Variants in MBOAT4 observed in about 807,000 individuals in gnomAD.
The protein encoded by MBOAT4 is membrane-bound ghrelin O-acyltransferase MBOAT4.
Under a neutral mutation model 13.2 loss-of-function variants are expected in MBOAT4, and 11 were observed. The observed-to-expected ratio is 0.84, with a 90% CI of 0.53 to 1.38. MBOAT4 has a LOEUF of 1.38. MBOAT4 is among the 40% of genes most tolerant of loss of function. MBOAT4 has a pLI of 0.00. For synonymous variants in MBOAT4, 202 were observed against 210.3 expected (o/e 0.96, Z 0.34); for missense variants, 481 against 527.2 (o/e 0.91, Z 0.86).
At chr8:30,136,582 C>T (rs1257197349) in intron 2 of MBOAT4, among the ~76,000 whole-genome samples, 1 of 152,188 alleles carries the variant, frequency 6.6e-6, no homozygotes, top group East Asian at 1.9e-4. Flanking sequence ...ACTTGCTCTC[C>T]CAGCCCCATC....
chr8:30,138,797 G>A (rs7823643), intron 1 of MBOAT4, 41 bp from the exon 2 acceptor site: 2 of 1,468,366 alleles, frequency 1.4e-6, no homozygotes, highest in Non-Finnish European at 1.9e-6. Context: ...GACTTAGAAC[G>A]GCACAGCAAA....
At chr8:30,139,163 G>A (rs931478141) in intron 1 of MBOAT4, among the ~76,000 whole-genome samples, 5 of 149,022 alleles carry the variant, frequency 3.4e-5, no homozygotes, top group Non-Finnish European at 7.5e-5. Flanking sequence ...TTGGTGTGTC[G>A]CCCAGTCTCA....
chr8:30,132,671 T>C lies in MBOAT4; in HGVS notation c.580A>G (p.Ser194Gly), dbSNP rs1803050538. The change falls in exon 3 of 3, where the codon AGT becomes GGT. Residue 194 changes from serine to glycine, a missense_variant. Physicochemically the swap from Ser to Gly is moderately conservative, Grantham distance 56. Coordinates refer to ENST00000320542, the MANE Select transcript of MBOAT4 (RefSeq NM_001100916.2). The stretch of plus-strand genomic sequence containing the variant: ...AAAGAGTGTCTGGGATGCAAAGCAC[T>C]GGACCCTTGAACACGAGCCTGAAAT... ...QRFQARVQGSSALHPRHSFWA... is the reference protein window; with the variant it reads ...QRFQARVQGSGALHPRHSFWA... 1.9e-6 allele frequency: 3 copies of C among 1,551,712 alleles called. No homozygotes were observed. Among genetic ancestry groups the C allele is most frequent in the East Asian group, 4.9e-5 (2 of 40,918 alleles).
intron 2 of MBOAT4, chr8:30,137,405 C>G: frequency 6.4e-7 from 1 of 1,551,694 alleles, no homozygotes. Context: ...TCCACTCAAC[C>G]CGTGCTGAGG....
intron 1 of MBOAT4, among the ~76,000 whole-genome samples, chr8:30,141,718 G>A (rs1472199830): frequency 2.0e-5 from 3 of 152,172 alleles, no homozygotes; most frequent in African/African-American, 7.2e-5. Context: ...TGACTCGCTG[G>A]GAAAGCGACT....
intron 1 of MBOAT4, among the ~76,000 whole-genome samples, chr8:30,140,066 C>A (rs1803236177): frequency 6.6e-6 from 1 of 152,108 alleles, no homozygotes; most frequent in South Asian, 2.1e-4. Flanking sequence ...TAGACAGAGT[C>A]TCGCTCTGTT....
chr8:30,132,960 T>A, intron 2 of MBOAT4, 54 bp from the exon 3 acceptor site: 1 of 1,456,204 alleles, frequency 6.9e-7, no homozygotes, highest in South Asian at 1.5e-5. Flanking sequence ...ATTCTCTCTC[T>A]CTTATTCCAG....
In MBOAT4 at chr8:30,138,521, A is replaced by G; in HGVS notation, c.344+11T>C. 6.5e-7 allele frequency: 1 copy of G among 1,538,832 alleles called. No homozygotes were observed. Among genetic ancestry groups the G allele is most frequent in the Non-Finnish European group, 8.8e-7 (1 of 1,136,534 alleles). ...GGTGGGCTGAGCATGACCAACGAAC[A>G]GGCTGCTTACCTCACAGAAGGAGGC... On this transcript the variant is annotated intron_variant, in intron 2 of 2. Transcript: ENST00000320542.
chr8:30,144,027 A>T (rs1045669554), intron 1 of MBOAT4, among the ~76,000 whole-genome samples: 1 of 152,354 alleles, frequency 6.6e-6, no homozygotes, highest in East Asian at 1.9e-4. Flanking sequence ...TTCATTATCA[A>T]ATATCAATAA....
chr8:30,144,119 C>T (rs898283667), intron 1 of MBOAT4, among the ~76,000 whole-genome samples: 14 of 150,136 alleles, frequency 9.3e-5, no homozygotes, highest in African/African-American at 3.2e-4. Flanking sequence ...CTGCTTTTTG[C>T]CCTACTATAG....
At chr8:30,142,317 A>T (rs1356846082) in intron 1 of MBOAT4, among the ~76,000 whole-genome samples, 1 of 152,216 alleles carries the variant, frequency 6.6e-6, no homozygotes, top group African/African-American at 2.4e-5. Flanking sequence ...TGAGGGAGTC[A>T]AGACTCAACA....
chr8:30,138,977 CTTT>C (rs34238139), intron 1 of MBOAT4, among the ~76,000 whole-genome samples: 7 of 141,648 alleles, frequency 4.9e-5, no homozygotes, highest in African/African-American at 5.2e-5. Flanking sequence ...GGAGACAAAT[CTTT>C]TTTTTTTTTT....
At position 30,132,676 on chromosome 8, in the gene MBOAT4, C is replaced by A. The variant is rs927697384; in HGVS notation, c.575G>T (p.Gly192Val). ...SFQRFQARVQ[G>V]SSALHPRHSF... ...GTGTCTGGGATGCAAAGCACTGGAC[C>A]CTTGAACACGAGCCTGAAATCGCTG... Residue 192 changes from glycine to valine, a missense_variant, in exon 3 of 3, where the codon GGG becomes GTG. Physicochemically the swap from Gly to Val is moderately radical, Grantham distance 109 (BLOSUM62 -3). Coordinates refer to ENST00000320542, the MANE Select transcript of MBOAT4 (RefSeq NM_001100916.2). 4.5e-6 allele frequency: 7 copies of A among 1,551,584 alleles called. No homozygotes were observed. Among genetic ancestry groups the A allele is most frequent in the Non-Finnish European group, 6.1e-6 (7 of 1,146,998 alleles).
chr8:30,143,429 G>A (rs1803297932), intron 1 of MBOAT4, among the ~76,000 whole-genome samples: 1 of 150,896 alleles, frequency 6.6e-6, no homozygotes, highest in African/African-American at 2.5e-5. Flanking sequence ...AAATGTATTT[G>A]CGACTTTTCA....
Position 30,144,592 on chromosome 8 carries a change from GC to G in MBOAT4, c.9del (p.Trp3CysfsTer43). The G allele has an allele frequency of 6.5e-7, 1 of 1,549,302 alleles. No individual in the cohort carries two copies. The highest frequency in any genetic ancestry group is 2.4e-5 in the East Asian group (1 of 40,888). On this transcript the variant is annotated frameshift_variant, in exon 1 of 3. Coordinates refer to ENST00000320542, the MANE Select transcript of MBOAT4 (RefSeq NM_001100916.2). LOFTEE classifies it high-confidence loss of function. ...ATAGGATGGAGAAAGAACAGCCAAA[GC>G]CACTCCATTAGGAACCAGAACAAAA... Reference protein sequence around the residue: MEWLWLFFLHPIS... With the variant: MEXLWLFFLHPIS...
chr8:30,137,485 C>T, intron 2 of MBOAT4: 1 of 1,551,576 alleles, frequency 6.4e-7, no homozygotes, highest in Non-Finnish European at 8.7e-7. Flanking sequence ...GCTTTGCCCT[C>T]CCTCTCAGGC....
chr8:30,134,446 C>A (rs867622722), intron 2 of MBOAT4, among the ~76,000 whole-genome samples: 15 of 149,838 alleles, frequency 1.0e-4, no homozygotes, highest in South Asian at 4.2e-4. Flanking sequence ...AAAAAAAAAA[C>A]AAAAAAAAAC....
intron 1 of MBOAT4, among the ~76,000 whole-genome samples, chr8:30,142,393 C>A (rs1203893060): frequency 2.6e-5 from 4 of 152,102 alleles, no homozygotes; most frequent in African/African-American, 9.7e-5. Flanking sequence ...TCTCTCCCTG[C>A]TGCCCAGGCT....
At chr8:30,139,838 T>G (rs1468075697) in intron 1 of MBOAT4, among the ~76,000 whole-genome samples, 4 of 152,084 alleles carry the variant, frequency 2.6e-5, no homozygotes, top group Admixed American at 2.6e-4. Context: ...GGCACACCTG[T>G]AGTCCTAGCT....
Sources: gnomAD v4.1 joint callset for allele counts (sites outside exome capture counted in the v4.1 genomes callset) on GRCh38, gnomAD v4.1.1 for gene constraint, MANE v1.5 for transcripts, NCBI Gene and HGNC (gene_info 2026-07-23, HGNC 2026-07-21) for gene names.